Variants in SLC10A7 observed in about 807,000 individuals in gnomAD.
SLC10A7 encodes solute carrier family 10 member 7, also known as sodium/bile acid cotransporter 7.
SLC10A7 carries 29 observed loss-of-function variants against 43.2 expected under a neutral mutation model. The observed-to-expected ratio is 0.67, with a 90% CI of 0.50 to 0.92. SLC10A7 has a LOEUF of 0.92. SLC10A7 is among the 40% of genes least tolerant of loss of function. The pLI is 0.00. For synonymous variants in SLC10A7, 152 were observed against 144.8 expected, an observed-to-expected ratio of 1.05 and a Z score of -0.35; for missense variants, 295 against 403.2, an observed-to-expected ratio of 0.73 and a Z score of 2.30.
intron 5 of SLC10A7, among the ~76,000 whole-genome samples, chr4:146,416,905 G>A (rs924824475): frequency 1.3e-5 from 2 of 151,906 alleles, no homozygotes; most frequent in African/African-American, 4.8e-5. Context: ...TATCCCCATG[G>A]CTTGCTCTCT....
intron 5 of SLC10A7, among the ~76,000 whole-genome samples, chr4:146,396,804 G>GAA (rs145754832): frequency 1.0e-4 from 15 of 145,226 alleles, no homozygotes; most frequent in Admixed American, 1.4e-4. Flanking sequence ...TAAAATCACT[G>GAA]AAAAAAAAAA....
chr4:146,473,010 T>C (rs1420521712), intron 4 of SLC10A7, among the ~76,000 whole-genome samples: 4 of 152,196 alleles, frequency 2.6e-5, no homozygotes, highest in African/African-American at 4.8e-5. Context: ...TCAATCAATA[T>C]AGAGGACTAG....
At chr4:146,490,269 A>C (rs1735273678) in intron 4 of SLC10A7, among the ~76,000 whole-genome samples, 1 of 152,184 alleles carries the variant, frequency 6.6e-6, no homozygotes, top group Non-Finnish European at 1.5e-5. Context: ...AAAAGAATAC[A>C]CACATGCCAA....
At position 146,266,388 on chromosome 4, in the gene SLC10A7, T is replaced by C. The variant is rs1446774480; in HGVS notation, c.848-7551A>G. Among the ~76,000 whole-genome samples, 4 of 151,884 alleles carry C rather than the reference T, an allele frequency of 2.6e-5. No individual in the cohort carries two copies. The East Asian group carries it at 7.7e-4, about 29-fold the overall frequency. ...CAGACATCACCAAATGCCAATCTTT[T>C]TGCCCCTACCCACCACACATGCCCA... On this transcript the variant is annotated intron_variant, in intron 10 of 11. Transcript: ENST00000335472.
chr4:146,423,709 TAAG>T (rs929866345), intron 5 of SLC10A7, among the ~76,000 whole-genome samples: 3 of 152,292 alleles, frequency 2.0e-5, no homozygotes, highest in Admixed American at 6.5e-5. Context: ...ATGAGAAAAA[TAAG>T]AAGAACGTAA....
At chr4:146,491,821 A>G (rs1735471629) in intron 4 of SLC10A7, among the ~76,000 whole-genome samples, 1 of 152,170 alleles carries the variant, frequency 6.6e-6, no homozygotes, top group Non-Finnish European at 1.5e-5. Flanking sequence ...AGCCCACTCA[A>G]TATATTCAGA....
At chr4:146,455,949 G>C (rs891105003) in intron 4 of SLC10A7, among the ~76,000 whole-genome samples, 1 of 151,814 alleles carries the variant, frequency 6.6e-6, no homozygotes, top group Admixed American at 6.6e-5. Context: ...TAGCGTGCTA[G>C]TAGCCGTTTA....
intron 4 of SLC10A7, among the ~76,000 whole-genome samples, chr4:146,453,729 G>A (rs2149918265): frequency 6.6e-6 from 1 of 151,922 alleles, no homozygotes; most frequent in Non-Finnish European, 1.5e-5. Context: ...AAAAATTCTA[G>A]TACAAAACAG....
intron 10 of SLC10A7, among the ~76,000 whole-genome samples, chr4:146,259,172 G>A (rs778911772): frequency 6.6e-6 from 1 of 152,188 alleles, no homozygotes; most frequent in Non-Finnish European, 1.5e-5. Flanking sequence ...ATTGGTGAGG[G>A]AGATGCTAAA....
At chr4:146,452,461 C>A (rs997540631) in intron 4 of SLC10A7, among the ~76,000 whole-genome samples, 1 of 152,032 alleles carries the variant, frequency 6.6e-6, no homozygotes, top group Non-Finnish European at 1.5e-5. Flanking sequence ...TATGAAAACA[C>A]AAAACATTTT....
intron 11 of SLC10A7, 51 bp from the exon 12 acceptor site, chr4:146,256,571 T>C: frequency 1.3e-6 from 2 of 1,593,362 alleles, no homozygotes; most frequent in Non-Finnish European, 1.7e-6. Flanking sequence ...ATGAGGAAAG[T>C]GAAAGCATCA....
intron 2 of SLC10A7, chr4:146,515,190 C>G (rs777742822): frequency 1.4e-6 from 1 of 702,220 alleles, no homozygotes; most frequent in African/African-American, 1.7e-5. Flanking sequence ...TCTGGATTTC[C>G]CATGGCACAA....
intron 3 of SLC10A7, 47 bp from the exon 4 acceptor site, chr4:146,503,971 G>A (rs779650237): frequency 8.1e-6 from 12 of 1,490,352 alleles, no homozygotes; most frequent in African/African-American, 1.4e-5. Context: ...TATAATCATA[G>A]ACAGCTTTCA....
chr4:146,368,646 C>T (rs2149774746), intron 5 of SLC10A7, among the ~76,000 whole-genome samples: 1 of 152,312 alleles, frequency 6.6e-6, no homozygotes, highest in Non-Finnish European at 1.5e-5. Flanking sequence ...CCCCTTCCTT[C>T]CTTCCTGAAC....
intron 4 of SLC10A7, among the ~76,000 whole-genome samples, chr4:146,462,287 A>C (rs1310855821): frequency 6.6e-6 from 1 of 152,160 alleles, no homozygotes; most frequent in East Asian, 1.9e-4. Flanking sequence ...GCTGATGTTT[A>C]AAACAAGCTT....
chr4:146,297,133 C>T (rs1730839804), intron 7 of SLC10A7, among the ~76,000 whole-genome samples: 1 of 152,130 alleles, frequency 6.6e-6, no homozygotes, highest in Non-Finnish European at 1.5e-5. Context: ...AGAATCTATA[C>T]TAATTAATTT....
intron 5 of SLC10A7, among the ~76,000 whole-genome samples, chr4:146,382,669 G>A (rs991258163): frequency 2.0e-5 from 3 of 152,114 alleles, no homozygotes; most frequent in African/African-American, 7.2e-5. Flanking sequence ...TTCTAAGCAT[G>A]AAGGGCTTTT....
chr4:146,507,488 G>A (rs1560977609), intron 3 of SLC10A7, among the ~76,000 whole-genome samples: 5 of 152,284 alleles, frequency 3.3e-5, no homozygotes, highest in Admixed American at 3.3e-4. Flanking sequence ...TTGAACCCGG[G>A]AGGCAGAGGT....
At chr4:146,510,491 C>T (rs1423058353) in intron 2 of SLC10A7, among the ~76,000 whole-genome samples, 1 of 152,056 alleles carries the variant, frequency 6.6e-6, no homozygotes, top group African/African-American at 2.4e-5. Flanking sequence ...GATCTCCTGA[C>T]CTCATGATCT....
Sources: allele counts gnomAD v4.1 joint callset (sites outside exome capture counted in the v4.1 genomes callset), GRCh38; gene constraint gnomAD v4.1.1; transcripts MANE v1.5; gene names NCBI Gene and HGNC (gene_info 2026-07-23, HGNC 2026-07-21).